GPR89A: variants seen among roughly 807,000 people sequenced by gnomAD.
The protein encoded by GPR89A is G protein-coupled receptor 89A.
In GPR89A, 16 loss-of-function variants were observed where a neutral mutation model predicts 52.0. That is an observed-to-expected ratio of 0.31 (90% confidence interval 0.21 to 0.47). The LOEUF (loss-of-function observed/expected upper bound fraction) is 0.47, where lower values mean the gene tolerates loss of function less well. Among genes scored for constraint, GPR89A ranks in the 20% least tolerant of loss-of-function variants. GPR89A has a pLI of 1.00. For synonymous variants in GPR89A, 55 were observed against 150.9 expected (o/e 0.36, Z 4.66); for missense variants, 135 against 449.4 (o/e 0.30, Z 6.33).
intron 7 of GPR89A, among the ~76,000 whole-genome samples, chr1:145,636,831 T>C (rs587755978): frequency 7.6e-4 from 116 of 152,232 alleles, no homozygotes; most frequent in African/African-American, 2.7e-3. Flanking sequence ...AGTTGATAGC[T>C]TTCTTGCCTG....
intron 10 of GPR89A, among the ~76,000 whole-genome samples, chr1:145,647,877 CTCTATATA>C (rs1559042115): frequency 0.044 from 1,798 of 40,526 alleles, 57 homozygotes; most frequent in Non-Finnish European, 0.054. Context: ...CTCTCTCTCT[CTCTATATA>C]TATATATATA....
intron 10 of GPR89A, among the ~76,000 whole-genome samples, chr1:145,652,023 C>T (rs1257157585): frequency 7.5e-6 from 1 of 133,514 alleles, no homozygotes; most frequent in East Asian, 2.2e-4. Flanking sequence ...GCCAGAACTT[C>T]CAATACTATG....
At chr1:145,647,875 C>A (rs1262313888) in intron 10 of GPR89A, among the ~76,000 whole-genome samples, 191 of 64,428 alleles carry the variant, frequency 3.0e-3, no homozygotes, top group East Asian at 7.2e-3. Context: ...CTCTCTCTCT[C>A]TCTCTATATA....
intron 2 of GPR89A, among the ~76,000 whole-genome samples, chr1:145,617,444 T>C (rs1331331178): frequency 6.6e-6 from 1 of 151,766 alleles, no homozygotes. Flanking sequence ...CACAGGGTAC[T>C]GAGGTGACAT....
At chr1:145,656,441 TG>T (rs1553694528) in intron 10 of GPR89A, among the ~76,000 whole-genome samples, 1 of 152,174 alleles carries the variant, frequency 6.6e-6, no homozygotes, top group African/African-American at 2.4e-5. Flanking sequence ...CAGGTGGGGC[TG>T]TTGCACTACC....
intron 10 of GPR89A, among the ~76,000 whole-genome samples, chr1:145,653,986 G>C (rs1651638976): frequency 6.6e-6 from 1 of 152,032 alleles, no homozygotes; most frequent in East Asian, 1.9e-4. Context: ...ATTGTTATGT[G>C]TGATTTGATC....
At chr1:145,617,292 C>T (rs1553687201) in intron 2 of GPR89A, among the ~76,000 whole-genome samples, 1 of 152,170 alleles carries the variant, frequency 6.6e-6, no homozygotes, top group East Asian at 1.9e-4. Flanking sequence ...TTCTGCCCAA[C>T]CCCGCAAGCA....
At chr1:145,666,587 G>A (rs1184029240) in intron 12 of GPR89A, among the ~76,000 whole-genome samples, 2 of 151,244 alleles carry the variant, frequency 1.3e-5, no homozygotes, top group Admixed American at 6.6e-5. Context: ...AAGTTCTAGG[G>A]TACATGTGCA....
intron 10 of GPR89A, among the ~76,000 whole-genome samples, chr1:145,654,273 G>T (rs1449198420): frequency 6.6e-6 from 1 of 152,116 alleles, no homozygotes; most frequent in Non-Finnish European, 1.5e-5. Flanking sequence ...AGAATGTTGA[G>T]CTGGGCGTGG....
chr1:145,653,458 G>A (rs1264888724), intron 10 of GPR89A, among the ~76,000 whole-genome samples: 3 of 147,682 alleles, frequency 2.0e-5, no homozygotes, highest in Admixed American at 1.4e-4. Context: ...TTGTTTTTGG[G>A]TAGAGAGTTC....
chr1:145,648,826 GGA>G (rs1651243585), intron 10 of GPR89A, among the ~76,000 whole-genome samples: 2 of 81,716 alleles, frequency 2.4e-5, no homozygotes, highest in Non-Finnish European at 4.5e-5. Flanking sequence ...TGTTGAAGAC[GGA>G]GTCTCTCTCT....
chr1:145,662,886 G>T, intron 10 of GPR89A, among the ~76,000 whole-genome samples: 1 of 148,964 alleles, frequency 6.7e-6, no homozygotes, highest in African/African-American at 2.5e-5. Context: ...GATTAATTGG[G>T]AATTTTTCAT....
rs12564679 is a variant in GPR89A at position 145,659,224 on chromosome 1, G to A, written c.910-4105G>A. ...TATTGAGGTGGAGTCTAGCTCTGTC[G>A]CCCAGGCTGGAGTGCAGTGGTGCAG... On this transcript the variant is annotated intron_variant, in intron 10 of 13. Transcript: ENST00000313835. 8.5e-4 allele frequency among the ~76,000 whole-genome samples: 129 copies of A among 151,496 alleles called. 2 individuals carry two copies. The East Asian group carries it at 0.018, about 21-fold the overall frequency.
chr1:145,643,111 A>G (rs587731672), intron 7 of GPR89A, among the ~76,000 whole-genome samples: 13 of 145,952 alleles, frequency 8.9e-5, no homozygotes, highest in East Asian at 6.1e-4. Flanking sequence ...ATTGCGTTCC[A>G]AACTCTGTAT....
chr1:145,657,596 T>C (rs1465542764), intron 10 of GPR89A, among the ~76,000 whole-genome samples: 1 of 152,230 alleles, frequency 6.6e-6, no homozygotes, highest in Non-Finnish European at 1.5e-5. Context: ...GTAGAGTTTA[T>C]CAATAAAGCC....
At chr1:145,648,535 A>C (rs1284712651) in intron 10 of GPR89A, among the ~76,000 whole-genome samples, 1 of 151,324 alleles carries the variant, frequency 6.6e-6, no homozygotes, top group East Asian at 1.9e-4. Context: ...GCTGTAGTAC[A>C]GTGGTGCGAT....
chr1:145,653,040 G>T (rs1207379177), intron 10 of GPR89A, among the ~76,000 whole-genome samples: 2 of 141,398 alleles, frequency 1.4e-5, no homozygotes, highest in Non-Finnish European at 3.0e-5. Context: ...TTTGCTCTTG[G>T]TTCTCTAGTT....
intron 5 of GPR89A, among the ~76,000 whole-genome samples, chr1:145,628,502 G>A (rs1649663486): frequency 1.3e-5 from 2 of 151,906 alleles, no homozygotes; most frequent in South Asian, 4.2e-4. Context: ...TCTGGAGCTA[G>A]ACTGCACTTG....
At chr1:145,657,312 G>T (rs1308341229) in intron 10 of GPR89A, among the ~76,000 whole-genome samples, 10 of 147,838 alleles carry the variant, frequency 6.8e-5, no homozygotes, top group African/African-American at 2.6e-4. Context: ...GATCGCTTGA[G>T]CCCAGAAGTC....
Sources: allele counts gnomAD v4.1 joint callset (sites outside exome capture counted in the v4.1 genomes callset), GRCh38; gene constraint gnomAD v4.1.1; transcripts MANE v1.5; gene names NCBI Gene and HGNC (gene_info 2026-07-23, HGNC 2026-07-21).